Variants in GALNTL6 observed in about 807,000 individuals in gnomAD.
The protein encoded by GALNTL6 is polypeptide N-acetylgalactosaminyltransferase-like 6.
Under a neutral mutation model 73.7 loss-of-function variants are expected in GALNTL6, and 46 were observed. The observed-to-expected ratio is 0.62, with a 90% CI of 0.49 to 0.80. GALNTL6 has a LOEUF of 0.80. Ranked by LOEUF, GALNTL6 falls within the 30% of genes least tolerant of loss-of-function variation. The pLI is 0.00. For missense variants in GALNTL6, 604 were observed against 755.0 expected (o/e 0.80, Z 2.34); for synonymous variants, 259 against 263.7 (o/e 0.98, Z 0.17).
At chr4:172,249,242 C>A (rs1353910476) in intron 3 of GALNTL6, among the ~76,000 whole-genome samples, 1 of 152,126 alleles carries the variant, frequency 6.6e-6, no homozygotes, top group African/African-American at 2.4e-5. Flanking sequence ...GTCACTCTTG[C>A]TATGCAAAGA....
At chr4:172,621,797 A>G (rs954826965) in intron 5 of GALNTL6, among the ~76,000 whole-genome samples, 2 of 152,200 alleles carry the variant, frequency 1.3e-5, no homozygotes, top group Admixed American at 6.5e-5. Context: ...CCACTGTTGC[A>G]TAAAGAAGTT....
chr4:172,299,624 T>C (rs1739830740), intron 3 of GALNTL6, among the ~76,000 whole-genome samples: 1 of 152,254 alleles, frequency 6.6e-6, no homozygotes, highest in African/African-American at 2.4e-5. Flanking sequence ...TTTCGTTATG[T>C]ACCCAGTGGT....
At chr4:171,960,497 C>G (rs1023654071) in intron 2 of GALNTL6, among the ~76,000 whole-genome samples, 30 of 151,928 alleles carry the variant, frequency 2.0e-4, no homozygotes, top group African/African-American at 6.8e-4. Context: ...CCAGGCTGGT[C>G]TCGAACTCCT....
intron 5 of GALNTL6, among the ~76,000 whole-genome samples, chr4:172,531,675 G>A (rs1390413909): frequency 1.3e-5 from 2 of 152,338 alleles, no homozygotes; most frequent in Middle Eastern, 6.8e-3. Context: ...AAAATGCATG[G>A]TAATGCTGCT....
intron 5 of GALNTL6, among the ~76,000 whole-genome samples, chr4:172,486,260 A>G (rs1290079757): frequency 6.6e-6 from 1 of 152,202 alleles, no homozygotes; most frequent in Non-Finnish European, 1.5e-5. Flanking sequence ...AGTGTGTGAG[A>G]AACTGATTGA....
chr4:171,846,936 A>G (rs201581448), intron 2 of GALNTL6, among the ~76,000 whole-genome samples: 4 of 24,910 alleles, frequency 1.6e-4, no homozygotes, highest in East Asian at 1.2e-3. Context: ...AATTATATAT[A>G]CATATAATTA....
At chr4:172,350,916 A>G (rs1042011278) in intron 5 of GALNTL6, among the ~76,000 whole-genome samples, 20 of 152,224 alleles carry the variant, frequency 1.3e-4, no homozygotes, top group African/African-American at 4.6e-4. Context: ...CCCAACATCA[A>G]CTATTAAGTG....
intron 2 of GALNTL6, among the ~76,000 whole-genome samples, chr4:171,887,677 A>C (rs1736641688): frequency 6.6e-6 from 1 of 152,188 alleles, no homozygotes. Flanking sequence ...GATCTTTGGT[A>C]AAATTGTTTC....
intron 5 of GALNTL6, among the ~76,000 whole-genome samples, chr4:172,462,686 T>C (rs1732661412): frequency 6.6e-6 from 1 of 152,204 alleles, no homozygotes; most frequent in African/African-American, 2.4e-5. Flanking sequence ...TTATATATTT[T>C]TCACTAATAT....
chr4:171,941,961 C>T (rs904507704), intron 2 of GALNTL6, among the ~76,000 whole-genome samples: 5 of 152,064 alleles, frequency 3.3e-5, no homozygotes, highest in Non-Finnish European at 7.4e-5. Flanking sequence ...CATATAACAC[C>T]TGTATCGTAA....
chr4:171,937,337 G>T (rs1738381286), intron 2 of GALNTL6, among the ~76,000 whole-genome samples: 1 of 151,998 alleles, frequency 6.6e-6, no homozygotes, highest in Non-Finnish European at 1.5e-5. Flanking sequence ...AATTATGTAA[G>T]TCTGTATGAA....
At chr4:172,248,509 G>A (rs755862493) in intron 3 of GALNTL6, among the ~76,000 whole-genome samples, 1 of 152,094 alleles carries the variant, frequency 6.6e-6, no homozygotes, top group African/African-American at 2.4e-5. Flanking sequence ...TTTATCACAG[G>A]GAGGTAAAGT....
intron 2 of GALNTL6, among the ~76,000 whole-genome samples, chr4:172,035,769 A>T (rs918312398): frequency 6.6e-6 from 1 of 152,136 alleles, no homozygotes; most frequent in African/African-American, 2.4e-5. Context: ...TGTGCCAGTG[A>T]ACAGTGCTTT....
Position 172,830,097 on chromosome 4 carries a change from A to T in GALNTL6, c.923+16374A>T, listed in dbSNP as rs572002048. On this transcript the variant is annotated intron_variant, in intron 7 of 12. Coordinates refer to ENST00000506823, the MANE Select transcript of GALNTL6 (RefSeq NM_001034845.3). The stretch of plus-strand genomic sequence containing the variant: ...TATCTTAGCTAACATAATATAGTGA[A>T]TTTAAAGTAACAACTAAAAATTCAT... Among the ~76,000 whole-genome samples the T allele has an allele frequency of 2.6e-5, 4 of 152,354 alleles. No homozygotes were observed. In the East Asian group the frequency reaches 5.8e-4, roughly 22 times the overall value.
chr4:172,340,654 G>A (rs1370003678), intron 4 of GALNTL6, among the ~76,000 whole-genome samples: 1 of 152,140 alleles, frequency 6.6e-6, no homozygotes, highest in East Asian at 1.9e-4. Context: ...AAAACAGTTT[G>A]ATACTATAAG....
At chr4:172,880,642 T>C (rs1480362757) in intron 7 of GALNTL6, among the ~76,000 whole-genome samples, 1 of 152,144 alleles carries the variant, frequency 6.6e-6, no homozygotes, top group East Asian at 1.9e-4. Flanking sequence ...TGCAATCAAT[T>C]ATATGTCAAT....
chr4:172,600,595 A>G (rs1738019534), intron 5 of GALNTL6, among the ~76,000 whole-genome samples: 1 of 152,144 alleles, frequency 6.6e-6, no homozygotes, highest in Admixed American at 6.6e-5. Flanking sequence ...CCTGGAGTAA[A>G]ACTACGTAAG....
At chr4:172,658,149 C>CAAAAAAACAA in intron 5 of GALNTL6, among the ~76,000 whole-genome samples, 1 of 5,012 alleles carries the variant, frequency 2.0e-4, no homozygotes, top group South Asian at 0.014. Flanking sequence ...GACTCCGTCT[C>CAAAAAAACAA]AAAAAAAAAA....
At chr4:172,383,971 G>A (rs183022701) in intron 5 of GALNTL6, among the ~76,000 whole-genome samples, 25 of 152,144 alleles carry the variant, frequency 1.6e-4, no homozygotes, top group African/African-American at 5.8e-4. Flanking sequence ...CTAGTTAATG[G>A]AGTATAATTC....
Sources: allele counts gnomAD v4.1 joint callset (sites outside exome capture counted in the v4.1 genomes callset), GRCh38; gene constraint gnomAD v4.1.1; transcripts MANE v1.5; gene names NCBI Gene and HGNC (gene_info 2026-07-23, HGNC 2026-07-21).